Variants in P4HA1 observed in about 807,000 individuals in gnomAD.
The protein encoded by P4HA1 is prolyl 4-hydroxylase subunit alpha-1.
In P4HA1, 24 loss-of-function variants were observed where a neutral mutation model predicts 72.8. The ratio of observed to expected loss-of-function variants is 0.33; its 90% CI spans 0.24 to 0.46. P4HA1 has a LOEUF of 0.46. P4HA1 is among the 20% of genes least tolerant of loss of function. The pLI, the probability that P4HA1 is intolerant of heterozygous loss-of-function variation, is 1.00. For synonymous variants in P4HA1, 201 were observed against 218.8 expected (o/e 0.92, Z 0.72); for missense variants, 446 against 640.6 (o/e 0.70, Z 3.28).
chr10:73,080,381 T>C (rs1841795794), intron 1 of P4HA1, among the ~76,000 whole-genome samples: 2 of 152,370 alleles, frequency 1.3e-5, no homozygotes, highest in East Asian at 1.9e-4. Flanking sequence ...CAGGCAATGC[T>C]GATAGTGCTG....
intron 5 of P4HA1, among the ~76,000 whole-genome samples, chr10:73,054,023 TCTC>T (rs1841078648): frequency 6.6e-6 from 1 of 152,050 alleles, no homozygotes; most frequent in Non-Finnish European, 1.5e-5. Context: ...TTCAAGTGAT[TCTC>T]CTGTCTCAGC....
intron 2 of P4HA1, 89 bp downstream of exon 2, chr10:73,074,719 C>T (rs1462846599): frequency 1.4e-6 from 1 of 738,204 alleles, no homozygotes; most frequent in African/African-American, 1.8e-5. Context: ...TAGGAATACA[C>T]TGTATTTGTT....
intron 6 of P4HA1, among the ~76,000 whole-genome samples, chr10:73,052,374 G>A (rs886216882): frequency 3.9e-5 from 6 of 152,124 alleles, no homozygotes; most frequent in African/African-American, 1.4e-4. Context: ...ACCTAATTTT[G>A]TAAAAGCAAA....
At chr10:73,092,346 C>CT (rs1157972087) in intron 1 of P4HA1, among the ~76,000 whole-genome samples, 1,878 of 112,310 alleles carry the variant, frequency 0.017, 23 homozygotes, top group Non-Finnish European at 0.023. Context: ...TTTTTCTTTT[C>CT]TTTTTTTTTT....
chr10:73,038,397 G>C lies in P4HA1; in HGVS notation c.1148+6584C>G, dbSNP rs1203974832. ...AAAAATGAAAATCACTTTCCCACCAGAATCAAAAAAGCTTTTCTACCACTC... is the reference window on the plus strand; with the variant it reads ...AAAAATGAAAATCACTTTCCCACCACAATCAAAAAAGCTTTTCTACCACTC... On this transcript the variant is annotated intron_variant, in intron 9 of 14. Transcript: ENST00000394890. Among the ~76,000 whole-genome samples, 3 of 151,894 alleles carry C rather than the reference G, an allele frequency of 2.0e-5. No individual in the cohort carries two copies. The East Asian group carries it at 5.8e-4, about 29-fold the overall frequency.
intron 1 of P4HA1, among the ~76,000 whole-genome samples, chr10:73,087,832 T>C (rs1318147493): frequency 6.6e-6 from 1 of 152,140 alleles, no homozygotes; most frequent in African/African-American, 2.4e-5. Context: ...AGATATGTGA[T>C]GGGGAATATT....
chr10:73,015,299 T>C (rs1839988569), intron 11 of P4HA1, among the ~76,000 whole-genome samples: 1 of 152,204 alleles, frequency 6.6e-6, no homozygotes, highest in Non-Finnish European at 1.5e-5. Context: ...TAAACACATC[T>C]TTATTTGTAA....
chr10:73,009,785 G>T, intron 14 of P4HA1, 22 bp downstream of exon 14: 3 of 1,327,698 alleles, frequency 2.3e-6, no homozygotes, highest in Non-Finnish European at 3.3e-6. Flanking sequence ...CATTATCTTC[G>T]CAGAATATAT....
chr10:73,026,013 GA>G lies in P4HA1; in HGVS notation c.1248+4257del, dbSNP rs532043614. ...CATGGATAGGAAGAATCAATATCGT[GA>G]AAATGGCCATACTGCCCAAGGTAAT... On this transcript the variant is annotated intron_variant, in intron 10 of 14. Coordinates refer to ENST00000394890, the MANE Select transcript of P4HA1 (RefSeq NM_001017962.3). Among the ~76,000 whole-genome samples the G allele has an allele frequency of 3.9e-4, 60 of 152,276 alleles. No individual in the cohort carries two copies. The East Asian group carries it at 0.011, about 27-fold the overall frequency.
At chr10:73,008,458 A>G (rs180701609) in intron 14 of P4HA1, among the ~76,000 whole-genome samples, 166 bp from the exon 15 acceptor site, 27 of 152,340 alleles carry the variant, frequency 1.8e-4, no homozygotes, top group African/African-American at 2.4e-4. Context: ...TGCTGAAAAC[A>G]CAGATTTTAT....
At chr10:73,069,730 T>C (rs1178483150) in intron 4 of P4HA1, among the ~76,000 whole-genome samples, 2 of 152,134 alleles carry the variant, frequency 1.3e-5, no homozygotes, top group East Asian at 3.9e-4. Context: ...TTTAAAATTT[T>C]AATATCAGTA....
intron 1 of P4HA1, among the ~76,000 whole-genome samples, chr10:73,092,450 A>C (rs1458572610): frequency 4.0e-5 from 6 of 148,946 alleles, no homozygotes; most frequent in African/African-American, 1.5e-4. Flanking sequence ...CTTGGGCTCA[A>C]GCGACCCTCC....
At chr10:73,035,402 T>C (rs1054311135) in intron 9 of P4HA1, among the ~76,000 whole-genome samples, 5 of 152,212 alleles carry the variant, frequency 3.3e-5, no homozygotes, top group African/African-American at 9.6e-5. Flanking sequence ...CACAGGTTTA[T>C]AGTTTCAGCT....
chr10:73,036,919 A>C (rs1419722507), intron 9 of P4HA1, among the ~76,000 whole-genome samples: 2 of 152,114 alleles, frequency 1.3e-5, no homozygotes, highest in Non-Finnish European at 2.9e-5. Flanking sequence ...TAGGACCTGG[A>C]AGTCTTATTC....
At chr10:73,022,610 C>T (rs992575505) in intron 10 of P4HA1, among the ~76,000 whole-genome samples, 6 of 152,152 alleles carry the variant, frequency 3.9e-5, no homozygotes, top group African/African-American at 1.4e-4. Flanking sequence ...TGCAGCTCCT[C>T]ACAAGCAACA....
At chr10:73,084,514 G>A in intron 1 of P4HA1, among the ~76,000 whole-genome samples, 1 of 152,052 alleles carries the variant, frequency 6.6e-6, no homozygotes, top group East Asian at 1.9e-4. Flanking sequence ...ATGTTGCCCA[G>A]GCTAGTCTCC....
At chr10:73,086,933 CAAAAAAAA>C (rs59200288) in intron 1 of P4HA1, among the ~76,000 whole-genome samples, 7,771 of 32,760 alleles carry the variant, frequency 0.24, 350 homozygotes, top group East Asian at 0.49. Flanking sequence ...GAGTGCATCT[CAAAAAAAA>C]AAAAAAAAAA....
chr10:73,095,315 C>CA (rs1455703640), intron 1 of P4HA1, among the ~76,000 whole-genome samples: 1 of 149,406 alleles, frequency 6.7e-6, no homozygotes, highest in Non-Finnish European at 1.5e-5. Flanking sequence ...TGTTCACTTT[C>CA]AGCTTCTTGA....
intron 1 of P4HA1, among the ~76,000 whole-genome samples, chr10:73,096,529 G>A (rs1360329317): frequency 6.6e-6 from 1 of 152,198 alleles, no homozygotes; most frequent in Non-Finnish European, 1.5e-5. Flanking sequence ...GGTCCGAGGC[G>A]CACTAGGGAC....
Sources: gnomAD v4.1 joint callset for allele counts (sites outside exome capture counted in the v4.1 genomes callset) on GRCh38, gnomAD v4.1.1 for gene constraint, MANE v1.5 for transcripts, NCBI Gene and HGNC (gene_info 2026-07-23, HGNC 2026-07-21) for gene names.